Variants in AKAP10 observed in about 807,000 individuals in gnomAD.
AKAP10 encodes the protein A-kinase anchor protein 10, mitochondrial.
In AKAP10, 24 loss-of-function variants were observed where a neutral mutation model predicts 80.8. The observed-to-expected ratio is 0.30, with a 90% CI of 0.22 to 0.42. The LOEUF is 0.42. AKAP10 is among the 10% of genes least tolerant of loss of function. The pLI, the probability that AKAP10 is intolerant of heterozygous loss-of-function variation, is 1.00. For synonymous variants in AKAP10, 291 were observed against 277.7 expected, an observed-to-expected ratio of 1.05 and a Z score of -0.48; for missense variants, 661 against 794.9, an observed-to-expected ratio of 0.83 and a Z score of 2.03.
chr17:19,944,002 T>C (rs1253538479), intron 5 of AKAP10, among the ~76,000 whole-genome samples: 1 of 151,562 alleles, frequency 6.6e-6, no homozygotes, highest in African/African-American at 2.4e-5. Context: ...TTTTTTTTTC[T>C]ACAGTACATC....
intron 10 of AKAP10, among the ~76,000 whole-genome samples, chr17:19,930,521 G>A (rs1214325098): frequency 4.6e-5 from 7 of 151,994 alleles, no homozygotes; most frequent in African/African-American, 9.7e-5. Flanking sequence ...AGTGGTTCAC[G>A]CCTGTAATCC....
chr17:19,933,678 C>T (rs889540654), intron 9 of AKAP10, among the ~76,000 whole-genome samples: 15 of 152,116 alleles, frequency 9.9e-5, no homozygotes, highest in Admixed American at 9.2e-4. Flanking sequence ...AGCTGACACT[C>T]TATTCTGTTT....
chr17:19,975,270 C>T (rs1414577339), intron 1 of AKAP10, among the ~76,000 whole-genome samples: 2 of 152,150 alleles, frequency 1.3e-5, no homozygotes, highest in African/African-American at 4.8e-5. Flanking sequence ...ATTCCTGCCT[C>T]GGCCTCCTAA....
intron 5 of AKAP10, among the ~76,000 whole-genome samples, chr17:19,946,252 T>TATATATA (rs2043118944): frequency 4.7e-5 from 1 of 21,500 alleles, no homozygotes; most frequent in South Asian, 1.2e-3. Flanking sequence ...TATATATATA[T>TATATATA]ATATATATAT....
chr17:19,910,486 T>A (rs915575106), intron 12 of AKAP10, among the ~76,000 whole-genome samples: 9 of 152,222 alleles, frequency 5.9e-5, no homozygotes, highest in African/African-American at 1.9e-4. Flanking sequence ...AACAGAGCAT[T>A]TAACTTGCAA....
At chr17:19,911,133 A>G (rs897341922) in intron 12 of AKAP10, among the ~76,000 whole-genome samples, 2 of 152,190 alleles carry the variant, frequency 1.3e-5, no homozygotes, top group African/African-American at 4.8e-5. Flanking sequence ...ATATTGGTTT[A>G]ATGAAATTTT....
Position 19,933,106 on chromosome 17 carries a change from T to C in AKAP10, c.1468-1128A>G, listed in dbSNP as rs150199664. On this transcript the variant is annotated intron_variant, in intron 9 of 14. Transcript: ENST00000225737. ...TGATCTCGACTCACTGGAACCTCTGTCTCCCAGGTTCAAGTGATTCTCCTG... is the reference window on the plus strand; with the variant it reads ...TGATCTCGACTCACTGGAACCTCTGCCTCCCAGGTTCAAGTGATTCTCCTG... 5.3e-3 allele frequency among the ~76,000 whole-genome samples: 814 copies of C among 152,250 alleles called. 16 individuals are homozygous for C. In the East Asian group the frequency reaches 0.074, roughly 14 times the overall value.
At chr17:19,908,588 T>C (rs2042656587) in intron 14 of AKAP10, among the ~76,000 whole-genome samples, 1 of 152,190 alleles carries the variant, frequency 6.6e-6, no homozygotes. Context: ...TCTGGGCAGC[T>C]TCCTCTTTTC....
chr17:19,973,977 C>A (rs2043532034), intron 1 of AKAP10, among the ~76,000 whole-genome samples: 2 of 152,122 alleles, frequency 1.3e-5, no homozygotes, highest in Non-Finnish European at 1.5e-5. Context: ...CCGAGGCAGG[C>A]AGATCACCTG....
At chr17:19,922,692 A>T (rs1019438129) in intron 11 of AKAP10, among the ~76,000 whole-genome samples, 2 of 152,172 alleles carry the variant, frequency 1.3e-5, no homozygotes, top group African/African-American at 4.8e-5. Flanking sequence ...CGAGGTCAGG[A>T]GATTGAGACC....
At chr17:19,941,999 G>A in intron 5 of AKAP10, 89 bp from the exon 6 acceptor site, 2 of 1,013,968 alleles carry the variant, frequency 2.0e-6, no homozygotes, top group Non-Finnish European at 2.8e-6. Context: ...TAACAGCACA[G>A]GCATATAAAT....
At chr17:19,948,824 C>A (rs2043166465) in intron 4 of AKAP10, among the ~76,000 whole-genome samples, 1 of 152,036 alleles carries the variant, frequency 6.6e-6, no homozygotes, top group African/African-American at 2.4e-5. Context: ...GGCCAGGTCC[C>A]AGACTGGACA....
intron 14 of AKAP10, among the ~76,000 whole-genome samples, chr17:19,908,119 C>A (rs1236524200): frequency 6.6e-6 from 1 of 152,082 alleles, no homozygotes; most frequent in Non-Finnish European, 1.5e-5. Context: ...CCTGCCTCGG[C>A]CTCCCAAAGT....
At chr17:19,908,021 G>A (rs2042649737) in intron 14 of AKAP10, among the ~76,000 whole-genome samples, 1 of 151,928 alleles carries the variant, frequency 6.6e-6, no homozygotes, top group South Asian at 2.1e-4. Context: ...CGGCCACCAT[G>A]CCTGGCTAAG....
intron 4 of AKAP10, among the ~76,000 whole-genome samples, chr17:19,951,019 G>C (rs932701505): frequency 1.3e-5 from 2 of 151,688 alleles, no homozygotes; most frequent in Non-Finnish European, 2.9e-5. Context: ...TGGGAGGTGA[G>C]GAGCGTCTCT....
In AKAP10 at chr17:19,947,505, C is replaced by T. The variant is rs770773238; in HGVS notation, c.878G>A (p.Ser293Asn). 1.0e-5 allele frequency: 16 copies of T among 1,605,724 alleles called. No individual in the cohort carries two copies. In the South Asian group the frequency reaches 1.5e-4, roughly 16 times the overall value. Residue 293 changes from serine (S) to asparagine (N), a missense_variant and splice_region_variant, in exon 5 of 15, where the codon AGT (serine) becomes AAT (asparagine). Physicochemically the swap from Ser to Asn is conservative, Grantham distance 46. Transcript: ENST00000225737. ...LKELSGKLMKSIEQDAVNTFT... is the reference protein window; with the variant it reads ...LKELSGKLMKNIEQDAVNTFT... ...AGTATTCACTGCATCTTGTTCTATA[C>T]CTGCAAGGGAAGAAGAGAACTTCAA...
chr17:19,956,398 T>C (rs983410382), intron 4 of AKAP10, among the ~76,000 whole-genome samples: 2 of 151,852 alleles, frequency 1.3e-5, no homozygotes, highest in Admixed American at 1.3e-4. Flanking sequence ...AACAAAGAAA[T>C]GCTGAGTCAG....
chr17:19,928,128 G>C (rs2042894001), intron 10 of AKAP10, among the ~76,000 whole-genome samples: 1 of 152,078 alleles, frequency 6.6e-6, no homozygotes, highest in African/African-American at 2.4e-5. Context: ...GGGAGGCTGA[G>C]GCAGGAGAAT....
chr17:19,941,124 C>G (rs1485374836), intron 6 of AKAP10, 114 bp from the exon 7 acceptor site: 5 of 1,062,730 alleles, frequency 4.7e-6, no homozygotes, highest in Non-Finnish European at 6.6e-6. Flanking sequence ...TAGGTCAACA[C>G]TACCTTACTC....
Sources: allele counts gnomAD v4.1 joint callset (sites outside exome capture counted in the v4.1 genomes callset), GRCh38; gene constraint gnomAD v4.1.1; transcripts MANE v1.5; gene names NCBI Gene and HGNC (gene_info 2026-07-23, HGNC 2026-07-21).